The following ANGEL1 variants were observed in gnomAD, a reference collection of about 807,000 sequenced individuals.
ANGEL1 encodes the protein angel homolog 1, also known as RNA 2',3'-cyclic phosphatase ANGEL1.
In ANGEL1, 62 loss-of-function variants were observed where a neutral mutation model predicts 76.4. The ratio of observed to expected loss-of-function variants is 0.81; its 90% CI spans 0.66 to 1.00. ANGEL1 has a LOEUF of 1.00. Among genes scored for constraint, ANGEL1 ranks in the 50% least tolerant of loss-of-function variants. The probability of loss-of-function intolerance (pLI) is 0.00; values close to 1 mark genes in which losing one functional copy is unlikely to be tolerated. For synonymous variants in ANGEL1, 340 were observed against 331.7 expected, an observed-to-expected ratio of 1.03 and a Z score of -0.27; for missense variants, 737 against 836.7, an observed-to-expected ratio of 0.88 and a Z score of 1.47.
chr14:76,800,771 G>A (rs939364468), intron 7 of ANGEL1, among the ~76,000 whole-genome samples: 1 of 152,154 alleles, frequency 6.6e-6, no homozygotes, highest in Admixed American at 6.5e-5. Flanking sequence ...AGGAGTTTGA[G>A]ACCAGCCCGG....
In ANGEL1 at chr14:76,809,223, G is replaced by C. The variant is rs1230002532; in HGVS notation, c.485C>G (p.Ala162Gly). ...GGCCAGGGCACCCACTGGGAGGGCA[G>C]CACAGTCTGCATACTGGGGCTCCGA... Reference protein sequence around the residue: ...MQSEPQYADCAALPVGALATE... With the variant: ...MQSEPQYADCGALPVGALATE... The change falls in exon 2 of 10, where the codon GCT becomes GGT. Residue 162 changes from alanine (A) to glycine (G), a missense_variant. This residue lies in a region of ANGEL1 where 441 missense variants were observed against 449.5 expected (regional missense o/e 0.98). Transcript: ENST00000251089. 6.2e-7 allele frequency: 1 copy of C among 1,613,032 alleles called. No homozygotes were observed. The highest frequency in any genetic ancestry group is 8.5e-7 in the Non-Finnish European group (1 of 1,179,480).
chr14:76,811,524 GGC>G (rs1363270638), intron 1 of ANGEL1, among the ~76,000 whole-genome samples: 1,626 of 17,136 alleles, frequency 0.095, 78 homozygotes, highest in African/African-American at 0.28. Flanking sequence ...TAGGTGGGGG[GGC>G]GGGGGGGGCC....
intron 1 of ANGEL1, chr14:76,812,293 T>C: frequency 1.0e-6 from 1 of 992,318 alleles, no homozygotes; most frequent in Non-Finnish European, 1.2e-6. Flanking sequence ...GAAAGGCGAG[T>C]GTGAAGTTAA....
At chr14:76,807,837 T>C in intron 3 of ANGEL1, 85 bp downstream of exon 3, 5 of 1,430,266 alleles carry the variant, frequency 3.5e-6, no homozygotes, top group Non-Finnish European at 4.8e-6. Flanking sequence ...TGAACAACTA[T>C]GGGTTGAACT....
At chr14:76,809,713 A>C in intron 1 of ANGEL1, 70 bp from the exon 2 acceptor site, 1 of 1,348,972 alleles carries the variant, frequency 7.4e-7, no homozygotes, top group Non-Finnish European at 1.0e-6. Flanking sequence ...CAGCTAAAAC[A>C]TAAGCCCAAT....
chr14:76,790,024 C>T lies in ANGEL1; in HGVS notation c.1852+587G>A, dbSNP rs139939045. On this transcript the variant is annotated intron_variant, in intron 9 of 9. Coordinates refer to ENST00000251089, the MANE Select transcript of ANGEL1 (RefSeq NM_015305.4). ...GGATTACAGACACCGTCACCACACC[C>T]GGCTAATTTTTTGTATTTTTAGTAG... 2.0e-3 allele frequency among the ~76,000 whole-genome samples: 307 copies of T among 152,162 alleles called. 2 individuals carry two copies. Among genetic ancestry groups the T allele is most frequent in the African/African-American group, 6.8e-3 (283 of 41,522 alleles).
Position 76,812,823 on chromosome 14 carries a change from A to G in ANGEL1, c.5T>C (p.Ile2Thr), listed in dbSNP as rs1469208642. Residue 2 changes from isoleucine to threonine, a missense_variant, in exon 1 of 10, where the codon ATC becomes ACC. Transcript: ENST00000251089. The part of the protein sequence containing the change: M[I>T]ASCLCYLLLP... Reference sequence around the variant, plus strand: ...CAGCAGGTAACACAAGCACGACGCGATCATGGCCGGCCGCCCGCGCCCGCC... The same window carrying G: ...CAGCAGGTAACACAAGCACGACGCGGTCATGGCCGGCCGCCCGCGCCCGCC... 6.6e-7 allele frequency: 1 copy of G among 1,513,418 alleles called. No individual in the cohort carries two copies. The allele number at this position is 1,513,418 out of a possible 1,614,324, so 93.7% of individuals were successfully genotyped here.
chr14:76,808,073 T>TGA lies in ANGEL1; in HGVS notation c.723_724dup (p.Gln242LeufsTer7). 6.2e-7 allele frequency: 1 copy of TGA among 1,614,078 alleles called. No homozygotes were observed. The highest frequency in any genetic ancestry group is 8.5e-7 in the Non-Finnish European group (1 of 1,180,034). The stretch of plus-strand genomic sequence containing the variant: ...ATAAGACATCAGAGTGAACTGGAAC[T>TGA]GAGGGCCATCTCCTGCCTTCAGGCC... On this transcript the variant is annotated frameshift_variant, in exon 3 of 10. Coordinates refer to ENST00000251089, the MANE Select transcript of ANGEL1 (RefSeq NM_015305.4). LOFTEE classifies it high-confidence loss of function.
rs146603241 is a variant in ANGEL1 at position 76,806,739 on chromosome 14, G to A, written c.1057C>T (p.Arg353Trp). The change falls in exon 5 of 10, where the codon CGG becomes TGG. Residue 353 changes from arginine to tryptophan, a missense_variant. Arg to Trp is a moderately radical substitution (Grantham distance 101). Coordinates refer to ENST00000251089, the MANE Select transcript of ANGEL1 (RefSeq NM_015305.4). ...CGATTAAGTAGCTCCAAGCCAGGCC[G>A]GAAGTACTCCACAGGGCTAGCACAG... is the stretch of plus-strand genomic sequence containing the variant. ...LLCASPVEYF[R>W]PGLELLNRDN... The A allele has an allele frequency of 2.4e-5, 38 of 1,614,030 alleles. No individual in the cohort carries two copies. The highest frequency in any genetic ancestry group is 4.0e-5 in the African/African-American group (3 of 74,902).
chr14:76,793,390 GAGGA>G (rs2140210265), intron 7 of ANGEL1, among the ~76,000 whole-genome samples: 1 of 69,432 alleles, frequency 1.4e-5, no homozygotes, highest in Admixed American at 1.2e-4. Context: ...GGAGAGGGGA[GAGGA>G]GGGGAGAGGG....
chr14:76,790,017 C>T (rs1227384248), intron 9 of ANGEL1, among the ~76,000 whole-genome samples: 1 of 152,068 alleles, frequency 6.6e-6, no homozygotes, highest in Non-Finnish European at 1.5e-5. Flanking sequence ...GACACCGTCA[C>T]CACACCCGGC....
At chr14:76,801,883 G>A (rs1023728093) in intron 7 of ANGEL1, among the ~76,000 whole-genome samples, 12 of 151,980 alleles carry the variant, frequency 7.9e-5, no homozygotes, top group African/African-American at 1.7e-4. Flanking sequence ...TTGGCCCAGC[G>A]CGGTGGCTCA....
chr14:76,805,954 AGCACATG>A (rs1417634762), intron 5 of ANGEL1, among the ~76,000 whole-genome samples: 1 of 152,256 alleles, frequency 6.6e-6, no homozygotes. Context: ...TGCTTAAAAT[AGCACATG>A]GCACACACTT....
Position 76,812,805 on chromosome 14 carries a change from T to G in ANGEL1, c.23A>C (p.Tyr8Ser). 6.6e-7 allele frequency: 1 copy of G among 1,520,576 alleles called. No individual in the cohort carries two copies. The highest frequency in any genetic ancestry group is 1.2e-5 in the South Asian group (1 of 81,810). The allele number at this position is 1,520,576 out of a possible 1,614,324, so 94.2% of individuals were successfully genotyped here. A position where few individuals can be genotyped will look rare whatever the true frequency, so the allele number is the denominator to read the frequency against. Reference sequence around the variant, plus strand: ...GAGGCGCGTGGCCGGCAGCAGCAGGTAACACAAGCACGACGCGATCATGGC... The same window carrying G: ...GAGGCGCGTGGCCGGCAGCAGCAGGGAACACAAGCACGACGCGATCATGGC... MIASCLC[Y>S]LLLPATRLFR... The change falls in exon 1 of 10, where the codon TAC becomes TCC. Residue 8 changes from tyrosine to serine, a missense_variant. Tyr to Ser is a moderately radical substitution (Grantham distance 144). Coordinates refer to ENST00000251089, the MANE Select transcript of ANGEL1 (RefSeq NM_015305.4).
intron 5 of ANGEL1, chr14:76,804,166 AG>A (rs1316643768): frequency 1.4e-6 from 2 of 1,422,226 alleles, no homozygotes; most frequent in African/African-American, 2.9e-5. Flanking sequence ...GGAATCGAAT[AG>A]TATGAACATG....
chr14:76,789,636 T>A (rs1234895184), intron 9 of ANGEL1, among the ~76,000 whole-genome samples: 1 of 151,770 alleles, frequency 6.6e-6, no homozygotes, highest in Non-Finnish European at 1.5e-5. Flanking sequence ...CCCACCATTA[T>A]AAGATCTTTT....
intron 7 of ANGEL1, among the ~76,000 whole-genome samples, chr14:76,793,811 A>C (rs1429287197): frequency 2.6e-5 from 4 of 152,160 alleles, no homozygotes; most frequent in Non-Finnish European, 4.4e-5. Context: ...CATACCTATG[A>C]TAAAGCTGAC....
Position 76,809,624 on chromosome 14 carries a change from T to C in ANGEL1, c.84A>G (p.Arg28=), listed in dbSNP as rs1756352119. Residue 28 remains arginine, a synonymous_variant, in exon 2 of 10, where the codon CGA becomes CGG. Coordinates refer to ENST00000251089, the MANE Select transcript of ANGEL1 (RefSeq NM_015305.4). ...AGCTGTTCGCCAGAAGGACATTTTTTCGACATGTGAAGAAAGCATCTAGGA... is the reference window on the plus strand; with the variant it reads ...AGCTGTTCGCCAGAAGGACATTTTTCCGACATGTGAAGAAAGCATCTAGGA... ...RALSDAFFTC[R]KNVLLANSSS... The C allele has an allele frequency of 2.5e-6, 4 of 1,613,160 alleles. No homozygotes were observed. The highest frequency in any genetic ancestry group is 3.4e-6 in the Non-Finnish European group (4 of 1,179,488).
chr14:76,799,786 C>T (rs952747173), intron 7 of ANGEL1, among the ~76,000 whole-genome samples: 1 of 151,900 alleles, frequency 6.6e-6, no homozygotes, highest in Non-Finnish European at 1.5e-5. Flanking sequence ...TGCCTATAGT[C>T]CCAGCTACTC....
Sources: allele counts gnomAD v4.1 joint callset (sites outside exome capture counted in the v4.1 genomes callset), GRCh38; gene constraint gnomAD v4.1.1; regional missense constraint gnomAD v4.1.1; transcripts MANE v1.5; gene names NCBI Gene and HGNC (gene_info 2026-07-23, HGNC 2026-07-21).